GSDME: variants seen among roughly 807,000 people sequenced by gnomAD.
GSDME encodes the protein gasdermin E.
Under a neutral mutation model 47.5 loss-of-function variants are expected in GSDME, and 44 were observed. That is an observed-to-expected ratio of 0.93 (90% CI 0.73 to 1.19). The LOEUF is 1.19. Among genes scored for constraint, GSDME ranks in the 50% most tolerant of loss-of-function variants. GSDME has a pLI of 0.00. For missense variants in GSDME, 663 were observed against 604.2 expected, an observed-to-expected ratio of 1.10 and a Z score of -1.02; for synonymous variants, 258 against 252.8, an observed-to-expected ratio of 1.02 and a Z score of -0.20.
At chr7:24,717,530 G>A (rs1196755819) in intron 4 of GSDME, among the ~76,000 whole-genome samples, 156 bp from the exon 5 acceptor site, 2 of 152,176 alleles carry the variant, frequency 1.3e-5, no homozygotes, top group Non-Finnish European at 2.9e-5. Flanking sequence ...TGGGGGATGG[G>A]GGGATTCAAT....
the GSDME span, among the ~76,000 whole-genome samples, chr7:24,794,023 G>C: frequency 6.6e-6 from 1 of 152,028 alleles, no homozygotes; most frequent in Admixed American, 6.5e-5. Context: ...ACAACAAAGT[G>C]GTATTGGAGT....
At chr7:24,767,946 C>T in the GSDME span, among the ~76,000 whole-genome samples, 17 of 152,252 alleles carry the variant, frequency 1.1e-4, no homozygotes, top group Admixed American at 5.2e-4. This position sits in a 1 kb window ranked among gnomAD's most constrained non-coding sequence, Gnocchi z 5.3. Flanking sequence ...TTGTTGCTAC[C>T]GATCATATAG....
chr7:24,729,366 A>C (rs896022533), intron 3 of GSDME, among the ~76,000 whole-genome samples: 1 of 152,236 alleles, frequency 6.6e-6, no homozygotes, highest in Admixed American at 6.5e-5. Flanking sequence ...ATAAAGATAA[A>C]CCAATTATCC....
At chr7:24,789,695 T>C in the GSDME span, among the ~76,000 whole-genome samples, 4 of 152,192 alleles carry the variant, frequency 2.6e-5, no homozygotes, top group Non-Finnish European at 5.9e-5. Flanking sequence ...GCTTCTTTCT[T>C]TGGAGGCAGA....
At chr7:24,750,379 G>C (rs1357220037) in intron 1 of GSDME, among the ~76,000 whole-genome samples, 1 of 152,222 alleles carries the variant, frequency 6.6e-6, no homozygotes, top group Non-Finnish European at 1.5e-5. Flanking sequence ...CATTTTGGGA[G>C]GCCAAGGTGG....
chr7:24,785,377 T>A, the GSDME span, among the ~76,000 whole-genome samples: 1 of 152,252 alleles, frequency 6.6e-6, no homozygotes, highest in African/African-American at 2.4e-5. Context: ...TAAAGAAATA[T>A]CAACTAAATA....
rs879079993 is a variant in GSDME, at chr7:24,705,220, T to G, written c.1183+964A>C. On this transcript the variant is annotated intron_variant, in intron 8 of 9. Transcript: ENST00000645220. This position sits in a 1 kb window ranked among gnomAD's most constrained non-coding sequence, Gnocchi z 4.1. ...TCTGAAAGACTCTAATACCCGGATG[T>G]TAACATTGGGAGAAAGTCTCTAGTG... 3 of 152,218 alleles carry G rather than the reference T, an allele frequency of 2.0e-5. No individual in the cohort carries two copies. The highest frequency in any genetic ancestry group is 2.0e-4 in the Admixed American group (3 of 15,280). 9.4% of individuals were successfully genotyped at this position (152,218 alleles called of 1,614,324 possible). A position where few individuals can be genotyped will look rare whatever the true frequency, so the allele number is the denominator to read the frequency against.
chr7:24,744,922 A>ATG lies in GSDME; in HGVS notation c.212-169_212-168insCA, dbSNP rs1562712805. 1.5e-4 allele frequency among the ~76,000 whole-genome samples: 7 copies of ATG among 47,674 alleles called. No homozygotes were observed. Among genetic ancestry groups the ATG allele is most frequent in the African/African-American group, 7.2e-4 (7 of 9,670 alleles). The allele number at this position is 47,674 out of a possible 152,430, so 31.3% of individuals were successfully genotyped here. On this transcript the variant is annotated intron_variant, in intron 2 of 9. Coordinates refer to ENST00000645220, the MANE Select transcript of GSDME (RefSeq NM_001127453.2). The surrounding 1 kb of genome is among the most constrained non-coding windows in gnomAD (Gnocchi z 4.5). ...TGTGTGGGCAAGAAAACAGGGCAGC[A>ATG]CGTGTGTGTGTGTGTGTGTGTGTGT...
intron 4 of GSDME, 37 bp from the exon 5 acceptor site, chr7:24,717,411 G>C (rs574401963): frequency 1.2e-5 from 19 of 1,613,700 alleles, no homozygotes; most frequent in Non-Finnish European, 1.6e-5. Flanking sequence ...CTGTGCACTC[G>C]GGCTCTCCAA....
the GSDME span, among the ~76,000 whole-genome samples, chr7:24,764,516 A>G: frequency 6.6e-6 from 1 of 152,196 alleles, no homozygotes; most frequent in Admixed American, 6.5e-5. This position sits in a 1 kb window ranked among gnomAD's most constrained non-coding sequence, Gnocchi z 4.4. Context: ...GACTTCAGAA[A>G]TCAAGTCAGC....
At position 24,705,965 on chromosome 7, in the gene GSDME, G is replaced by C. The variant is rs1584048306; in HGVS notation, c.1183+219C>G. On this transcript the variant is annotated intron_variant, in intron 8 of 9. Transcript: ENST00000645220. The surrounding 1 kb of genome is among the most constrained non-coding windows in gnomAD (Gnocchi z 4.1). ...GAGGAGGGAGAAGGGCCCTCCGGGAGAGTAGGGAGGCTTGTGCTGGATGGA... is the reference window on the plus strand; with the variant it reads ...GAGGAGGGAGAAGGGCCCTCCGGGACAGTAGGGAGGCTTGTGCTGGATGGA... 1.3e-5 allele frequency: 8 copies of C among 630,068 alleles called. No individual in the cohort carries two copies. The East Asian group carries it at 1.4e-4, about 11-fold the overall frequency. 39.0% of individuals were successfully genotyped at this position (630,068 alleles called of 1,614,324 possible). A position where few individuals can be genotyped will look rare whatever the true frequency, so the allele number is the denominator to read the frequency against.
Position 24,757,199 on chromosome 7 carries a change from G to A in GSDME, c.-20+197C>T, listed in dbSNP as rs930685211. Reference sequence around the variant, plus strand: ...GCCGGGAATGCGGGAGGCGAGGGGAGCGACGGGACCTGCCGTTCCGGCGGC... The same window carrying A: ...GCCGGGAATGCGGGAGGCGAGGGGAACGACGGGACCTGCCGTTCCGGCGGC... On this transcript the variant is annotated intron_variant, in intron 1 of 9. Transcript: ENST00000645220. The surrounding 1 kb of genome is among the most constrained non-coding windows in gnomAD (Gnocchi z 5.9). Among the ~76,000 whole-genome samples the A allele has an allele frequency of 6.6e-6, 1 of 151,620 alleles. No individual in the cohort carries two copies. Among genetic ancestry groups the A allele is most frequent in the Non-Finnish European group, 1.5e-5 (1 of 67,856 alleles).
chr7:24,773,384 T>A, the GSDME span, among the ~76,000 whole-genome samples: 2 of 152,218 alleles, frequency 1.3e-5, no homozygotes, highest in African/African-American at 4.8e-5. This position sits in a 1 kb window ranked among gnomAD's most constrained non-coding sequence, Gnocchi z 5.4. Flanking sequence ...CTATTATTAT[T>A]TTTACATTTT....
rs1345124653 is a variant in GSDME, at chr7:24,744,048, AATG to A, written c.404+511_404+513del. ...TGTTGAATAAATATGAGGTAAGAATAATGATGAGCTATAGTGTGGTAAGATGTA... is the reference window on the plus strand; with the variant it reads ...TGTTGAATAAATATGAGGTAAGAATAATGAGCTATAGTGTGGTAAGATGTA... On this transcript the variant is annotated intron_variant, in intron 3 of 9. Coordinates refer to ENST00000645220, the MANE Select transcript of GSDME (RefSeq NM_001127453.2). The surrounding 1 kb of genome is among the most constrained non-coding windows in gnomAD (Gnocchi z 4.5). 5.3e-6 allele frequency: 1 copy of A among 188,734 alleles called. No homozygotes were observed. The highest frequency in any genetic ancestry group is 2.4e-5 in the African/African-American group (1 of 41,888). The allele number at this position is 188,734 out of a possible 1,614,324, so 11.7% of individuals were successfully genotyped here.
rs998848523 is a variant in GSDME at position 24,756,391 on chromosome 7, G to A, written c.-20+1005C>T. 1.3e-5 allele frequency among the ~76,000 whole-genome samples: 2 copies of A among 152,266 alleles called. No homozygotes were observed. The highest frequency in any genetic ancestry group is 1.9e-4 in the East Asian group (1 of 5,188). Reference sequence around the variant, plus strand: ...TAACAAAGAACCTAGCCAAGGGACCGTGGCTAGGGGGTTGGGCCCTTTCTC... The same window carrying A: ...TAACAAAGAACCTAGCCAAGGGACCATGGCTAGGGGGTTGGGCCCTTTCTC... On this transcript the variant is annotated intron_variant, in intron 1 of 9. Transcript: ENST00000645220. The surrounding 1 kb of genome is among the most constrained non-coding windows in gnomAD (Gnocchi z 4.2).
At chr7:24,751,344 A>T (rs566302592) in intron 1 of GSDME, among the ~76,000 whole-genome samples, 6 of 152,364 alleles carry the variant, frequency 3.9e-5, no homozygotes, top group Non-Finnish European at 8.8e-5. Context: ...GCTCTAATGC[A>T]CAAGAACTGC....
Position 24,721,481 on chromosome 7 carries a change from TG to T in GSDME, c.405-2264del, listed in dbSNP as rs1403836533. ...TGCCCTCCCACTGGGCAAGCTCGAG[TG>T]AAGGGCCACCTCTGCACCTAGGTTT... On this transcript the variant is annotated intron_variant, in intron 3 of 9. Transcript: ENST00000645220. This position sits in a 1 kb window ranked among gnomAD's most constrained non-coding sequence, Gnocchi z 4.1. Among the ~76,000 whole-genome samples the T allele has an allele frequency of 6.6e-6, 1 of 152,028 alleles. No homozygotes were observed. The highest frequency in any genetic ancestry group is 1.5e-5 in the Non-Finnish European group (1 of 68,000).
At chr7:24,704,829 A>G (rs750978774) in intron 8 of GSDME, 8 of 151,994 alleles carry the variant, frequency 5.3e-5, no homozygotes, top group Non-Finnish European at 1.0e-4. Flanking sequence ...AGCTGGGACT[A>G]CAGAGGTACA....
chr7:24,700,433 AAGT>A (rs1462028191), intron 9 of GSDME, among the ~76,000 whole-genome samples: 2 of 152,214 alleles, frequency 1.3e-5, no homozygotes, highest in African/African-American at 4.8e-5. Flanking sequence ...TTAATAATGT[AAGT>A]AGTAAAATTT....
Sources: allele counts gnomAD v4.1 joint callset (sites outside exome capture counted in the v4.1 genomes callset), GRCh38; gene constraint gnomAD v4.1.1; non-coding constraint Gnocchi (gnomAD v3.1); transcripts MANE v1.5; gene names NCBI Gene and HGNC (gene_info 2026-07-23, HGNC 2026-07-21).